Variants in EPHA5 observed in about 807,000 individuals in gnomAD.
The protein encoded by EPHA5 is ephrin type-A receptor 5.
EPHA5 carries 60 observed loss-of-function variants against 105.0 expected under a neutral mutation model. The observed-to-expected ratio is 0.57, with a 90% CI of 0.46 to 0.71. EPHA5 has a LOEUF of 0.71. Ranked by LOEUF, EPHA5 falls within the 30% of genes least tolerant of loss-of-function variation. EPHA5 has a pLI of 0.00. For missense variants in EPHA5, 1,218 were observed against 1,274.7 expected (o/e 0.96, Z 0.68); for synonymous variants, 513 against 449.1 (o/e 1.14, Z -1.80).
At chr4:65,392,177 C>T (rs995549723) in intron 8 of EPHA5, among the ~76,000 whole-genome samples, 1 of 152,078 alleles carries the variant, frequency 6.6e-6, no homozygotes, top group Non-Finnish European at 1.5e-5. Context: ...TTATGATGTG[C>T]TCTCTAATTA....
chr4:65,407,614 A>G (rs1183592055), intron 7 of EPHA5, among the ~76,000 whole-genome samples: 1 of 151,862 alleles, frequency 6.6e-6, no homozygotes, highest in Non-Finnish European at 1.5e-5. Flanking sequence ...TCATTTTTGT[A>G]TAAAAAGCAA....
chr4:65,336,137 A>G lies in EPHA5; in HGVS notation c.2596-12T>C. ...ACCGCTTTAATCACCTGTATAAAGC[A>G]AAACAGAACCAGCACCCCAACACCA... is the stretch of plus-strand genomic sequence containing the variant. On this transcript the variant is annotated splice_polypyrimidine_tract_variant and intron_variant, in intron 14 of 16. Transcript: ENST00000613740. 2 of 1,580,748 alleles carry G rather than the reference A, an allele frequency of 1.3e-6. No homozygotes were observed. The highest frequency in any genetic ancestry group is 1.7e-6 in the Non-Finnish European group (2 of 1,162,664).
At chr4:65,637,583 T>TAC (rs1336431882) in intron 2 of EPHA5, among the ~76,000 whole-genome samples, 1 of 145,036 alleles carries the variant, frequency 6.9e-6, no homozygotes, top group Non-Finnish European at 1.5e-5. Context: ...TATATATATA[T>TAC]ATATATATAT....
intron 3 of EPHA5, among the ~76,000 whole-genome samples, chr4:65,527,434 C>A (rs1041769642): frequency 2.0e-5 from 3 of 151,900 alleles, no homozygotes; most frequent in Non-Finnish European, 4.4e-5. Flanking sequence ...ACACACAGAG[C>A]AAATACATGG....
At chr4:65,409,647 G>T (rs1578047287) in intron 7 of EPHA5, among the ~76,000 whole-genome samples, 1 of 152,290 alleles carries the variant, frequency 6.6e-6, no homozygotes, top group East Asian at 1.9e-4. Flanking sequence ...CTACAGGTCA[G>T]AGTAAGAATT....
chr4:65,399,832 C>A (rs951232487), intron 8 of EPHA5, among the ~76,000 whole-genome samples: 8 of 152,098 alleles, frequency 5.3e-5, no homozygotes, highest in Non-Finnish European at 1.2e-4. Context: ...AAAAAATATT[C>A]TTTAATCCCA....
chr4:65,468,959 G>A (rs185067017), intron 5 of EPHA5, among the ~76,000 whole-genome samples: 6 of 152,144 alleles, frequency 3.9e-5, no homozygotes, highest in African/African-American at 1.4e-4. Flanking sequence ...GGGGAAGTCT[G>A]TGGGGAAGGA....
Position 65,365,682 on chromosome 4 carries a change from TA to T in EPHA5, c.1987+249del, listed in dbSNP as rs1560458171. On this transcript the variant is annotated intron_variant, in intron 10 of 16. Transcript: ENST00000613740. ...ATATATATATATATATATATATATA[TA>T]TATATAGTGAAACATTATCTATTTA... Among the ~76,000 whole-genome samples, 178 of 114,496 alleles carry T rather than the reference TA, an allele frequency of 1.6e-3. 17 individuals are homozygous for T. The highest frequency in any genetic ancestry group is 9.7e-3 in the South Asian group (38 of 3,900). 75.1% of individuals were successfully genotyped at this position (114,496 alleles called of 152,430 possible).
intron 8 of EPHA5, among the ~76,000 whole-genome samples, chr4:65,367,883 C>T (rs973027718): frequency 6.6e-6 from 1 of 151,952 alleles, no homozygotes; most frequent in Admixed American, 6.6e-5. Context: ...TTGGAATCCT[C>T]AGTTGCTCCA....
chr4:65,434,823 CACTG>C (rs1034425928), intron 5 of EPHA5, among the ~76,000 whole-genome samples: 8 of 152,228 alleles, frequency 5.3e-5, no homozygotes, highest in African/African-American at 7.2e-5. Flanking sequence ...GAAATCAAAA[CACTG>C]ACTATTTTTT....
At chr4:65,377,145 C>G (rs1415631375) in intron 8 of EPHA5, 2 of 1,290,158 alleles carry the variant, frequency 1.6e-6, no homozygotes, top group African/African-American at 1.5e-5. Context: ...TGAATTTACT[C>G]AGGTGTCTGC....
At position 65,490,520 on chromosome 4, in the gene EPHA5, C is replaced by A. The variant is rs1731298509; in HGVS notation, c.1259G>T (p.Gly420Val). 1.2e-6 allele frequency: 2 copies of A among 1,614,126 alleles called. No homozygotes were observed. The highest frequency in any genetic ancestry group is 1.7e-6 in the Non-Finnish European group (2 of 1,180,022). The change falls in exon 5 of 17, where the codon GGC (glycine) becomes GTC (valine). Residue 420 changes from glycine to valine, a missense_variant. By Grantham distance (109) the Gly-to-Val change is moderately radical (BLOSUM62 -3). This residue lies in a region of EPHA5 where 971 missense variants were observed against 1,013.5 expected (regional missense o/e 0.96). Coordinates refer to ENST00000613740, the MANE Select transcript of EPHA5 (RefSeq NM_001281766.3). ...GHVRYLPRQS[G>V]LKNTSVMMVD... Reference sequence around the variant, plus strand: ...CATCATGACAGAGGTGTTTTTCAGGCCGCTTTGCCGGGGAAGGTACCTGAC... The same window carrying A: ...CATCATGACAGAGGTGTTTTTCAGGACGCTTTGCCGGGGAAGGTACCTGAC...
At chr4:65,584,327 T>A (rs1741916947) in intron 3 of EPHA5, among the ~76,000 whole-genome samples, 1 of 151,910 alleles carries the variant, frequency 6.6e-6, no homozygotes, top group Non-Finnish European at 1.5e-5. Context: ...TGCCAATCTT[T>A]AATGTCTTAA....
chr4:65,362,906 TTAAGTGAGATTTAAA>T (rs1229032217), intron 11 of EPHA5, among the ~76,000 whole-genome samples: 1 of 151,696 alleles, frequency 6.6e-6, no homozygotes, highest in Non-Finnish European at 1.5e-5. Flanking sequence ...AGAGACAAAA[TTAAGTGAGATTTAAA>T]TAAGACTTTT....
At chr4:65,527,802 C>T (rs1184085036) in intron 3 of EPHA5, among the ~76,000 whole-genome samples, 2 of 151,934 alleles carry the variant, frequency 1.3e-5, no homozygotes, top group Non-Finnish European at 2.9e-5. Flanking sequence ...GTATTAAGCC[C>T]GGTGTCCACT....
chr4:65,490,296 C>T, intron 5 of EPHA5, 81 bp downstream of exon 5: 1 of 1,349,494 alleles, frequency 7.4e-7, no homozygotes, highest in South Asian at 1.3e-5. Context: ...ACACAGATTT[C>T]AGTCAACTTG....
intron 3 of EPHA5, among the ~76,000 whole-genome samples, chr4:65,521,628 G>T (rs553013096): frequency 6.6e-6 from 1 of 151,864 alleles, no homozygotes; most frequent in East Asian, 1.9e-4. Flanking sequence ...TAATTTTGGG[G>T]GGTATCCAAA....
chr4:65,650,869 C>G (rs1391680124), intron 1 of EPHA5, among the ~76,000 whole-genome samples: 1 of 152,104 alleles, frequency 6.6e-6, no homozygotes, highest in East Asian at 1.9e-4. Context: ...TAATCATGTC[C>G]CTCTCTTACT....
chr4:65,499,707 C>T (rs1023125370), intron 3 of EPHA5, among the ~76,000 whole-genome samples: 21 of 151,588 alleles, frequency 1.4e-4, no homozygotes, highest in Non-Finnish European at 3.0e-4. Context: ...TCCTACCATA[C>T]TCATTGTCTC....
Sources: gnomAD v4.1 joint callset for allele counts (sites outside exome capture counted in the v4.1 genomes callset) on GRCh38, gnomAD v4.1.1 for gene constraint, gnomAD v4.1.1 regional missense constraint, MANE v1.5 for transcripts, NCBI Gene and HGNC (gene_info 2026-07-23, HGNC 2026-07-21) for gene names.